RAB11FIP5: variants seen among roughly 807,000 people sequenced by gnomAD.
RAB11FIP5 encodes rab11 family-interacting protein 5.
A neutral mutation model predicts 85.1 loss-of-function variants in RAB11FIP5; 48 were observed. The observed-to-expected ratio is 0.56, with a 90% CI of 0.45 to 0.72. RAB11FIP5 has a LOEUF of 0.72. RAB11FIP5 is among the 30% of genes least tolerant of loss of function. The pLI is 0.00. For synonymous variants in RAB11FIP5, 729 were observed against 727.3 expected (o/e 1.00, Z -0.04); for missense variants, 1,491 against 1,687.0 (o/e 0.88, Z 2.04).
Position 73,086,196 on chromosome 2 carries a change from C to T in RAB11FIP5, c.1568+1854G>A, listed in dbSNP as rs966082791. Among the ~76,000 whole-genome samples the T allele has an allele frequency of 4.6e-5, 7 of 152,314 alleles. No homozygotes were observed. The highest frequency in any genetic ancestry group is 1.7e-4 in the African/African-American group (7 of 41,564). Reference sequence around the variant, plus strand: ...GCCCCTCCCACCCCATCTGCATGCACGGCCACAGAGCCTGGCCCTGCAGCC... The same window carrying T: ...GCCCCTCCCACCCCATCTGCATGCATGGCCACAGAGCCTGGCCCTGCAGCC... On this transcript the variant is annotated intron_variant, in intron 3 of 5. Coordinates refer to ENST00000486777, the MANE Select transcript of RAB11FIP5 (RefSeq NM_001371272.1). The surrounding 1 kb of genome is among the most constrained non-coding windows in gnomAD (Gnocchi z 4.4).
At chr2:73,094,371 A>T (rs1282141437) in intron 1 of RAB11FIP5, among the ~76,000 whole-genome samples, 1 of 152,152 alleles carries the variant, frequency 6.6e-6, no homozygotes, top group East Asian at 1.9e-4. Context: ...GCCAAAATCA[A>T]TCAGGGTGTG....
intron 3 of RAB11FIP5, among the ~76,000 whole-genome samples, chr2:73,083,874 G>A (rs561972867): frequency 2.6e-5 from 4 of 152,298 alleles, no homozygotes; most frequent in African/African-American, 9.6e-5. Context: ...TCTCTCCCCA[G>A]CCCCCTTTAT....
intron 1 of RAB11FIP5, among the ~76,000 whole-genome samples, chr2:73,101,754 A>T (rs964431336): frequency 6.6e-6 from 1 of 151,942 alleles, no homozygotes; most frequent in Non-Finnish European, 1.5e-5. Context: ...CCCGCTCACC[A>T]CCGCACAGGG....
intron 1 of RAB11FIP5, among the ~76,000 whole-genome samples, chr2:73,091,784 C>T (rs1391012398): frequency 6.6e-6 from 1 of 152,180 alleles, no homozygotes; most frequent in Non-Finnish European, 1.5e-5. Context: ...GGGCTATGGC[C>T]CGTCCCCTCC....
chr2:73,109,157 AG>A (rs1203787751), intron 1 of RAB11FIP5, among the ~76,000 whole-genome samples: 2 of 152,244 alleles, frequency 1.3e-5, no homozygotes, highest in African/African-American at 2.4e-5. Flanking sequence ...AGTTCTACTG[AG>A]GGTGGGGAGA....
At chr2:73,101,045 G>A (rs1302266197) in intron 1 of RAB11FIP5, among the ~76,000 whole-genome samples, 1 of 141,580 alleles carries the variant, frequency 7.1e-6, no homozygotes, top group Non-Finnish European at 1.5e-5. Flanking sequence ...GGTGGGGTGG[G>A]GGGGATTTGG....
chr2:73,076,252 C>T (rs1214668090), intron 4 of RAB11FIP5, 70 bp from the exon 5 acceptor site: 1 of 1,372,042 alleles, frequency 7.3e-7, no homozygotes, highest in African/African-American at 1.4e-5. Context: ...GGGCTGCCTT[C>T]CCTGTGGAGC....
intron 1 of RAB11FIP5, among the ~76,000 whole-genome samples, chr2:73,091,870 C>G (rs1049710241): frequency 6.6e-6 from 1 of 152,176 alleles, no homozygotes; most frequent in Non-Finnish European, 1.5e-5. Context: ...GAGACAATCC[C>G]CTGAGAAGGC....
chr2:73,106,714 T>C (rs949053976), intron 1 of RAB11FIP5, among the ~76,000 whole-genome samples: 2 of 152,202 alleles, frequency 1.3e-5, no homozygotes, highest in Non-Finnish European at 2.9e-5. Flanking sequence ...CCGGGTCTAA[T>C]GGAAACCACA....
In RAB11FIP5 at chr2:73,088,331, T is replaced by C; in HGVS notation, c.1287A>G (p.Pro429=). Residue 429 remains proline (P), a synonymous_variant, in exon 3 of 6, where the codon CCA becomes CCG. Transcript: ENST00000486777. ...TGGCAACCTGGACTGGCTTGCCCTC[T>C]GGTAGCCGGGCCCCCTCCTCCTCTC... The part of the protein sequence containing the change: ...HPGEEEGARL[P]EGKPVQVATP... 1 of 1,613,628 alleles carries C rather than the reference T, an allele frequency of 6.2e-7. No individual in the cohort carries two copies. The highest frequency in any genetic ancestry group is 8.5e-7 in the Non-Finnish European group (1 of 1,180,000).
rs1684098567 is a variant in RAB11FIP5 at position 73,086,837 on chromosome 2, G to A, written c.1568+1213C>T. Among the ~76,000 whole-genome samples the A allele has an allele frequency of 6.6e-6, 1 of 152,080 alleles. No homozygotes were observed. The highest frequency in any genetic ancestry group is 2.4e-5 in the African/African-American group (1 of 41,400). ...TGCCATACCAAGCAAGGGAGGCAAG[G>A]GGTGGCATGCCCCTGAAACTGATCC... is the stretch of plus-strand genomic sequence containing the variant. On this transcript the variant is annotated intron_variant, in intron 3 of 5. Transcript: ENST00000486777. The surrounding 1 kb of genome is among the most constrained non-coding windows in gnomAD (Gnocchi z 4.4).
chr2:73,112,688 C>A lies in RAB11FIP5; in HGVS notation c.90G>T (p.Gly30=). Residue 30 remains glycine (G), a synonymous_variant, in exon 1 of 6, where the codon GGG becomes GGT. Coordinates refer to ENST00000486777, the MANE Select transcript of RAB11FIP5 (RefSeq NM_001371272.1). ...CCGCTCCCGAGCTCTTGCCCCGCAG[C>A]CCGCGGGCCCGCAGCACCGTCACCT... is the stretch of plus-strand genomic sequence containing the variant. ...HVQVTVLRAR[G]LRGKSSGAGS... 1 of 1,581,948 alleles carries A rather than the reference C, an allele frequency of 6.3e-7. No individual in the cohort carries two copies. Among genetic ancestry groups the A allele is most frequent in the Non-Finnish European group, 8.6e-7 (1 of 1,166,122 alleles).
intron 3 of RAB11FIP5, among the ~76,000 whole-genome samples, chr2:73,083,680 C>T (rs965700440): frequency 1.3e-5 from 2 of 152,176 alleles, no homozygotes; most frequent in African/African-American, 4.8e-5. Flanking sequence ...TCCAGACAAG[C>T]CCCAGGCCAA....
chr2:73,112,261 C>T, intron 1 of RAB11FIP5, 86 bp downstream of exon 1: 1 of 1,353,938 alleles, frequency 7.4e-7, no homozygotes, highest in Non-Finnish European at 9.6e-7. Flanking sequence ...CTCACTGGCC[C>T]GGCTGAAGTT....
chr2:73,078,501 G>T lies in RAB11FIP5; in HGVS notation c.3581+1150C>A, dbSNP rs1683904016. On this transcript the variant is annotated intron_variant, in intron 4 of 5. Coordinates refer to ENST00000486777, the MANE Select transcript of RAB11FIP5 (RefSeq NM_001371272.1). This position sits in a 1 kb window ranked among gnomAD's most constrained non-coding sequence, Gnocchi z 4.4. ...GGGAGGAGAGTCACCACCACCACCA[G>T]GGAGGGACACTGGGGGCAGCCTGGA... Among the ~76,000 whole-genome samples the T allele has an allele frequency of 6.6e-6, 1 of 152,202 alleles. No individual in the cohort carries two copies.
Position 73,081,885 on chromosome 2 carries a change from C to A in RAB11FIP5, c.1569-222G>T, listed in dbSNP as rs1265765049. On this transcript the variant is annotated intron_variant, in intron 3 of 5. Transcript: ENST00000486777. The surrounding 1 kb of genome is among the most constrained non-coding windows in gnomAD (Gnocchi z 4.2). ...CCAGGCAAAGCTATTTTAATGCTCA[C>A]TCCAACCCCAGAGAGAAATCATCTC... Among the ~76,000 whole-genome samples, 1 of 152,158 alleles carries A rather than the reference C, an allele frequency of 6.6e-6. No individual in the cohort carries two copies. Among genetic ancestry groups the A allele is most frequent in the Non-Finnish European group, 1.5e-5 (1 of 68,034 alleles).
chr2:73,105,665 A>T (rs1360958148), intron 1 of RAB11FIP5, among the ~76,000 whole-genome samples: 4 of 152,022 alleles, frequency 2.6e-5, no homozygotes, highest in African/African-American at 9.7e-5. Flanking sequence ...TTATCCCAAT[A>T]AACCAAGGAC....
At position 73,076,156 on chromosome 2, in the gene RAB11FIP5, G is replaced by A; in HGVS notation, c.3608C>T (p.Ala1203Val). 1 of 1,611,884 alleles carries A rather than the reference G, an allele frequency of 6.2e-7. No individual in the cohort carries two copies. Among genetic ancestry groups the A allele is most frequent in the East Asian group, 2.2e-5 (1 of 44,860 alleles). Reference protein sequence around the residue: ...ASPHPVKPLSAAPVEGSPDRK... With the variant: ...ASPHPVKPLSVAPVEGSPDRK... Reference sequence around the variant, plus strand: ...GTCGGGGCTGCCCTCCACAGGGGCGGCACTGAGGGGCTTCACGGGGTGGGG... The same window carrying A: ...GTCGGGGCTGCCCTCCACAGGGGCGACACTGAGGGGCTTCACGGGGTGGGG... The change falls in exon 5 of 6, where the codon GCC becomes GTC. Residue 1203 changes from alanine to valine, a missense_variant. Coordinates refer to ENST00000486777, the MANE Select transcript of RAB11FIP5 (RefSeq NM_001371272.1).
At position 73,080,289 on chromosome 2, in the gene RAB11FIP5, A is replaced by G; in HGVS notation, c.2943T>C (p.Asp981=). 4 of 1,232,946 alleles carry G rather than the reference A, an allele frequency of 3.2e-6. No individual in the cohort carries two copies. Among genetic ancestry groups the G allele is most frequent in the Non-Finnish European group, 4.0e-6 (4 of 988,666 alleles). 76.4% of individuals were successfully genotyped at this position (1,232,946 alleles called of 1,614,324 possible). A position where few individuals can be genotyped will look rare whatever the true frequency, so the allele number is the denominator to read the frequency against. Reference sequence around the variant, plus strand: ...AGGGCCCAGACACAGGGGGGCTGGCATCCTCCACTAGCTCTTCCAGGCCAG... The same window carrying G: ...AGGGCCCAGACACAGGGGGGCTGGCGTCCTCCACTAGCTCTTCCAGGCCAG... ...GQPGLEELVE[D]ASPPVSGPCL... Residue 981 remains aspartate (D), a synonymous_variant, in exon 4 of 6, where the codon GAT becomes GAC. Coordinates refer to ENST00000486777, the MANE Select transcript of RAB11FIP5 (RefSeq NM_001371272.1).
Sources: allele counts gnomAD v4.1 joint callset (sites outside exome capture counted in the v4.1 genomes callset), GRCh38; gene constraint gnomAD v4.1.1; non-coding constraint Gnocchi (gnomAD v3.1); transcripts MANE v1.5; gene names NCBI Gene and HGNC (gene_info 2026-07-23, HGNC 2026-07-21).